Variants in BRAF observed in about 807,000 individuals in gnomAD.
BRAF encodes B-Raf proto-oncogene, serine/threonine kinase.
A neutral mutation model predicts 104.6 loss-of-function variants in BRAF; 16 were observed. That is an observed-to-expected ratio of 0.15 (90% CI 0.10 to 0.23). The LOEUF is 0.23. BRAF is among the 10% of genes least tolerant of loss of function. The pLI is 1.00. For missense variants in BRAF, 541 were observed against 937.3 expected (o/e 0.58, Z 5.52); for synonymous variants, 310 against 341.6 (o/e 0.91, Z 1.02).
At chr7:140,781,267 T>A (rs1007968499) in intron 12 of BRAF, 1 of 374,874 alleles carries the variant, frequency 2.7e-6, no homozygotes. Flanking sequence ...TTGTGACTTA[T>A]AATACAAATA....
At chr7:140,848,865 C>T (rs1808845737) in intron 2 of BRAF, among the ~76,000 whole-genome samples, 1 of 152,198 alleles carries the variant, frequency 6.6e-6, no homozygotes, top group Admixed American at 6.5e-5. Flanking sequence ...AGAAAGAAAA[C>T]AGCATATTAG....
intron 3 of BRAF, among the ~76,000 whole-genome samples, chr7:140,819,767 G>T (rs1386414185): frequency 6.6e-6 from 1 of 152,166 alleles, no homozygotes. Context: ...TATATGAAAT[G>T]CCAGAGAATA....
chr7:140,911,784 C>A (rs1034535039), intron 1 of BRAF, among the ~76,000 whole-genome samples: 1 of 152,156 alleles, frequency 6.6e-6, no homozygotes, highest in African/African-American at 2.4e-5. Context: ...AGTTACCAGA[C>A]CACTCCAAAT....
chr7:140,846,709 A>T (rs1253524514), intron 2 of BRAF, among the ~76,000 whole-genome samples: 1 of 152,080 alleles, frequency 6.6e-6, no homozygotes, highest in African/African-American at 2.4e-5. Context: ...AAAAAAAAAA[A>T]GTGTAAAGGA....
intron 18 of BRAF, among the ~76,000 whole-genome samples, chr7:140,739,365 A>ACT (rs1796707854): frequency 6.6e-6 from 1 of 151,580 alleles, no homozygotes; most frequent in South Asian, 2.1e-4. Flanking sequence ...AAACAATACA[A>ACT]CTCCTCACTA....
chr7:140,739,132 A>C (rs1243194784), intron 18 of BRAF, among the ~76,000 whole-genome samples: 1 of 152,192 alleles, frequency 6.6e-6, no homozygotes, highest in Non-Finnish European at 1.5e-5. Flanking sequence ...GAAGAAATAA[A>C]GCAGTGGTTC....
intron 2 of BRAF, among the ~76,000 whole-genome samples, chr7:140,840,386 C>T (rs573956415): frequency 9.2e-6 from 1 of 108,538 alleles, no homozygotes; most frequent in Non-Finnish European, 1.7e-5. Flanking sequence ...ATTGGAATTC[C>T]ATCCACATTT....
chr7:140,863,579 A>G (rs1306707151), intron 1 of BRAF, among the ~76,000 whole-genome samples: 2 of 152,176 alleles, frequency 1.3e-5, no homozygotes, highest in South Asian at 2.1e-4. Context: ...ATCTCATGTC[A>G]AATTGTAATC....
At chr7:140,892,186 G>T (rs761426788) in intron 1 of BRAF, among the ~76,000 whole-genome samples, 4 of 152,136 alleles carry the variant, frequency 2.6e-5, no homozygotes, top group Non-Finnish European at 5.9e-5. Context: ...AGCCCAGGAG[G>T]TGGAGGTTGC....
chr7:140,808,633 A>G (rs1184324715), intron 4 of BRAF, among the ~76,000 whole-genome samples: 1 of 152,118 alleles, frequency 6.6e-6, no homozygotes, highest in Non-Finnish European at 1.5e-5. Flanking sequence ...TCACACTCTG[A>G]ATGGTTCAAA....
At chr7:140,917,118 T>C (rs763938098) in intron 1 of BRAF, among the ~76,000 whole-genome samples, 94 of 152,208 alleles carry the variant, frequency 6.2e-4, no homozygotes, top group Non-Finnish European at 1.2e-3. Context: ...TGGAGTGCAA[T>C]GACGCGATCT....
At chr7:140,882,608 C>T (rs892430256) in intron 1 of BRAF, among the ~76,000 whole-genome samples, 1 of 151,996 alleles carries the variant, frequency 6.6e-6, no homozygotes, top group African/African-American at 2.4e-5. Context: ...GAACACCAGA[C>T]CTTAGGTGAT....
chr7:140,779,063 C>G (rs1014154349), intron 12 of BRAF, among the ~76,000 whole-genome samples: 2 of 152,168 alleles, frequency 1.3e-5, no homozygotes, highest in Non-Finnish European at 2.9e-5. Context: ...TCCAACTTCA[C>G]ACAACAATAT....
chr7:140,917,652 T>C (rs1182354226), intron 1 of BRAF, among the ~76,000 whole-genome samples: 4 of 152,206 alleles, frequency 2.6e-5, no homozygotes, highest in East Asian at 1.9e-4. Flanking sequence ...GAACTTTCTA[T>C]AGACCTCTAA....
chr7:140,790,816 T>C (rs1293342640), intron 8 of BRAF, among the ~76,000 whole-genome samples: 1 of 152,150 alleles, frequency 6.6e-6, no homozygotes, highest in Non-Finnish European at 1.5e-5. Context: ...TTAAAAACAA[T>C]TGTCCCTTGG....
intron 14 of BRAF, among the ~76,000 whole-genome samples, chr7:140,763,043 A>G (rs1382568192): frequency 6.6e-5 from 10 of 152,298 alleles, no homozygotes; most frequent in Non-Finnish European, 1.0e-4. Flanking sequence ...CGATTTCTCA[A>G]TCTTTTCCCC....
intron 14 of BRAF, among the ~76,000 whole-genome samples, chr7:140,775,579 TC>T (rs1313865681): frequency 5.3e-5 from 8 of 149,614 alleles, no homozygotes; most frequent in African/African-American, 2.0e-4. Flanking sequence ...CCTCAGGTGA[TC>T]CGCCTGCCTC....
chr7:140,881,636 G>C (rs1812929441), intron 1 of BRAF, among the ~76,000 whole-genome samples: 1 of 152,232 alleles, frequency 6.6e-6, no homozygotes, highest in Non-Finnish European at 1.5e-5. Context: ...TAGCTGTCTG[G>C]CACAAAAGGC....
rs79117653 is a variant in BRAF at position 140,836,621 on chromosome 7, T to C, written c.241-1749A>G. On this transcript the variant is annotated intron_variant, in intron 2 of 19. Transcript: ENST00000644969. ...AGTAGATGAGGGCATTATAAACAGA[T>C]AGATTCCAAATTTTCTGAGCTACAA... 3.3e-5 allele frequency among the ~76,000 whole-genome samples: 5 copies of C among 152,308 alleles called. No homozygotes were observed. In the East Asian group the frequency reaches 9.6e-4, roughly 29 times the overall value.
Sources: allele counts gnomAD v4.1 joint callset (sites outside exome capture counted in the v4.1 genomes callset), GRCh38; gene constraint gnomAD v4.1.1; transcripts MANE v1.5; gene names NCBI Gene and HGNC (gene_info 2026-07-23, HGNC 2026-07-21).